Variants in FGGY observed in about 807,000 individuals in gnomAD.
FGGY encodes FGGY carbohydrate kinase domain-containing protein.
Under a neutral mutation model 71.3 loss-of-function variants are expected in FGGY, and 72 were observed. The observed-to-expected ratio is 1.01, with a 90% CI of 0.84 to 1.23. The LOEUF (loss-of-function observed/expected upper bound fraction) is 1.23, where lower values mean the gene tolerates loss of function less well. Ranked by LOEUF, FGGY falls within the 50% of genes most tolerant of loss-of-function variation. The pLI is 0.00. For missense variants in FGGY, 668 were observed against 682.3 expected, an observed-to-expected ratio of 0.98 and a Z score of 0.23; for synonymous variants, 251 against 250.3, an observed-to-expected ratio of 1.00 and a Z score of -0.02.
intron 8 of FGGY, among the ~76,000 whole-genome samples, chr1:59,594,927 T>G (rs911661220): frequency 6.6e-6 from 1 of 152,190 alleles, no homozygotes; most frequent in Non-Finnish European, 1.5e-5. Flanking sequence ...CTCTTGAGAA[T>G]ACCCCTGGGC....
chr1:59,378,767 T>A lies in FGGY; in HGVS notation c.484T>A (p.Trp162Arg). 6.2e-7 allele frequency: 1 copy of A among 1,613,516 alleles called. No individual in the cohort carries two copies. The highest frequency in any genetic ancestry group is 8.5e-7 in the Non-Finnish European group (1 of 1,179,616). Residue 162 changes from tryptophan to arginine, a missense_variant, in exon 5 of 16, where the codon TGG becomes AGG. This residue lies in a region of FGGY where 661 missense variants were observed against 661.6 expected (regional missense o/e 1.00). Transcript: ENST00000303721. Reference sequence around the variant, plus strand: ...TTGGCAGAACTTGAGAGAGATTTGCTGGGATAAGGCGGGACATTTCTTTGA... The same window carrying A: ...TTGGCAGAACTTGAGAGAGATTTGCAGGGATAAGGCGGGACATTTCTTTGA... ...WLKENLREIC[W>R]DKAGHFFDLP...
intron 6 of FGGY, among the ~76,000 whole-genome samples, chr1:59,508,549 CA>C (rs1370275886): frequency 3.3e-5 from 5 of 152,322 alleles, no homozygotes; most frequent in Admixed American, 3.3e-4. Context: ...TTGCCTCTGA[CA>C]GCTCTAGTGC....
chr1:59,420,820 A>AAG (rs1334435034), intron 5 of FGGY, among the ~76,000 whole-genome samples: 1 of 151,988 alleles, frequency 6.6e-6, no homozygotes, highest in Non-Finnish European at 1.5e-5. Context: ...CACTAACAGA[A>AAG]ATGGGTGATC....
At chr1:59,525,167 T>C (rs970479267) in intron 7 of FGGY, among the ~76,000 whole-genome samples, 1 of 152,232 alleles carries the variant, frequency 6.6e-6, no homozygotes, top group Non-Finnish European at 1.5e-5. Flanking sequence ...CCAGCACCTG[T>C]AGCTGCCTCC....
intron 14 of FGGY, 111 bp from the exon 15 acceptor site, chr1:59,757,820 C>A: frequency 3.0e-6 from 2 of 667,464 alleles, no homozygotes; most frequent in Non-Finnish European, 2.6e-6. Flanking sequence ...AGAGGACTAA[C>A]CAAATATCTT....
chr1:59,390,738 A>G (rs2060594449), intron 5 of FGGY, among the ~76,000 whole-genome samples: 1 of 152,182 alleles, frequency 6.6e-6, no homozygotes, highest in Non-Finnish European at 1.5e-5. Flanking sequence ...GACACTCAAA[A>G]TCATAATTTC....
chr1:59,621,527 C>A (rs1405761023), intron 9 of FGGY, among the ~76,000 whole-genome samples: 1 of 144,836 alleles, frequency 6.9e-6, no homozygotes, highest in Non-Finnish European at 1.5e-5. Context: ...TGGCAAAAGA[C>A]ATTCTCTCTA....
intron 8 of FGGY, among the ~76,000 whole-genome samples, chr1:59,588,037 A>C (rs2096345087): frequency 6.6e-6 from 1 of 152,216 alleles, no homozygotes; most frequent in East Asian, 1.9e-4. Context: ...AAGAAGTTGA[A>C]AACTTTGAAA....
intron 4 of FGGY, among the ~76,000 whole-genome samples, chr1:59,362,468 A>G (rs2055752765): frequency 6.6e-6 from 1 of 152,186 alleles, no homozygotes; most frequent in South Asian, 2.1e-4. Flanking sequence ...AGTATCTAAT[A>G]CAAGTCCAGA....
At chr1:59,537,275 G>A (rs1301926994) in intron 7 of FGGY, among the ~76,000 whole-genome samples, 1 of 151,956 alleles carries the variant, frequency 6.6e-6, no homozygotes, top group Non-Finnish European at 1.5e-5. Flanking sequence ...AAATAGCTAG[G>A]AATCCAACTT....
intron 8 of FGGY, among the ~76,000 whole-genome samples, chr1:59,558,389 A>G (rs2095728226): frequency 6.6e-6 from 1 of 152,164 alleles, no homozygotes; most frequent in South Asian, 2.1e-4. Flanking sequence ...AAAGAGTACA[A>G]CGAGAGGAAT....
intron 14 of FGGY, among the ~76,000 whole-genome samples, chr1:59,722,026 A>T (rs575636720): frequency 3.9e-5 from 6 of 152,304 alleles, no homozygotes; most frequent in African/African-American, 1.4e-4. Flanking sequence ...TCCCTTTTCT[A>T]TTCTAGCATC....
At chr1:59,459,570 A>AACACAGCCC in intron 6 of FGGY, among the ~76,000 whole-genome samples, 1 of 152,354 alleles carries the variant, frequency 6.6e-6, no homozygotes, top group Non-Finnish European at 1.5e-5. Context: ...TGACAAAATG[A>AACACAGCCC]TCTGTGTTCA....
At chr1:59,703,314 G>A (rs918570333) in intron 14 of FGGY, among the ~76,000 whole-genome samples, 1 of 152,114 alleles carries the variant, frequency 6.6e-6, no homozygotes, top group South Asian at 2.1e-4. Context: ...TGCCTTCCAT[G>A]TGCCAGGCAC....
At chr1:59,407,715 C>T (rs1571756364) in intron 5 of FGGY, among the ~76,000 whole-genome samples, 1 of 152,122 alleles carries the variant, frequency 6.6e-6, no homozygotes, top group South Asian at 2.1e-4. Flanking sequence ...AACTGGAATG[C>T]TATACAGCAT....
chr1:59,466,404 A>G (rs1236805756), intron 6 of FGGY, among the ~76,000 whole-genome samples: 1 of 152,220 alleles, frequency 6.6e-6, no homozygotes, highest in East Asian at 1.9e-4. Flanking sequence ...TAAAAACCCT[A>G]GAAGAAAACC....
At chr1:59,697,518 G>A (rs561554311) in intron 14 of FGGY, 22 of 447,052 alleles carry the variant, frequency 4.9e-5, no homozygotes, top group Non-Finnish European at 8.0e-5. Context: ...GCTGTAGCAC[G>A]TATCAGAATT....
At chr1:59,600,721 G>A (rs542500186) in intron 8 of FGGY, among the ~76,000 whole-genome samples, 1 of 152,246 alleles carries the variant, frequency 6.6e-6, no homozygotes, top group South Asian at 2.1e-4. Flanking sequence ...CAGCTCTGTG[G>A]TTAATGAGAT....
In FGGY at chr1:59,638,280, G is replaced by T; in HGVS notation, c.1126G>T (p.Ala376Ser). Residue 376 changes from alanine to serine, a missense_variant, in exon 11 of 16, where the codon GCT becomes TCT. This residue lies in a region of FGGY where 661 missense variants were observed against 661.6 expected (regional missense o/e 1.00). Coordinates refer to ENST00000303721, the MANE Select transcript of FGGY (RefSeq NM_018291.5). ...CAGTCACCTGGATCTGATTAAGAAG[G>T]CTCAGCCTGTGGGTTTCCTTACTGT... ...LNSHLDLIKK[A>S]QPVGFLTVDL... 1 of 1,614,168 alleles carries T rather than the reference G, an allele frequency of 6.2e-7. No individual in the cohort carries two copies. Among genetic ancestry groups the T allele is most frequent in the Non-Finnish European group, 8.5e-7 (1 of 1,180,012 alleles).
Sources: gnomAD v4.1 joint callset for allele counts (sites outside exome capture counted in the v4.1 genomes callset) on GRCh38, gnomAD v4.1.1 for gene constraint, gnomAD v4.1.1 regional missense constraint, MANE v1.5 for transcripts, NCBI Gene and HGNC (gene_info 2026-07-23, HGNC 2026-07-21) for gene names.